OSBP2: variants seen among roughly 807,000 people sequenced by gnomAD.
The protein encoded by OSBP2 is oxysterol-binding protein 2.
Under a neutral mutation model 96.0 loss-of-function variants are expected in OSBP2, and 66 were observed. That is an observed-to-expected ratio of 0.69 (90% CI 0.56 to 0.84). OSBP2 has a LOEUF of 0.84. Ranked by LOEUF, OSBP2 falls within the 40% of genes least tolerant of loss-of-function variation. The probability of loss-of-function intolerance (pLI) is 0.00; values close to 1 mark genes in which losing one functional copy is unlikely to be tolerated. For missense variants in OSBP2, 1,038 were observed against 1,222.7 expected (o/e 0.85, Z 2.25); for synonymous variants, 525 against 520.9 (o/e 1.01, Z -0.11).
intron 1 of OSBP2, among the ~76,000 whole-genome samples, chr22:30,709,568 T>G (rs1244211653): frequency 6.6e-6 from 1 of 151,890 alleles, no homozygotes; most frequent in Non-Finnish European, 1.5e-5. Flanking sequence ...CAGGCTGGAG[T>G]GCAGTGGTAT....
chr22:30,739,916 G>A (rs1205386994), intron 1 of OSBP2, among the ~76,000 whole-genome samples: 9 of 151,778 alleles, frequency 5.9e-5, no homozygotes, highest in Non-Finnish European at 1.3e-4. Context: ...CTTGGCTCAC[G>A]GCAACCTCTG....
chr22:30,840,330 A>G lies in OSBP2; in HGVS notation c.854-30099A>G, dbSNP rs942966513. Among the ~76,000 whole-genome samples, 473 of 152,024 alleles carry G rather than the reference A, an allele frequency of 3.1e-3. 3 individuals are homozygous for G. Among genetic ancestry groups the G allele is most frequent in the African/African-American group, 0.011 (457 of 41,528 alleles). Reference sequence around the variant, plus strand: ...TAAAAAAAAAAAGAAAAAGGAAAAAAAAAAAGAAAGCTGAAACTGGATCCC... The same window carrying G: ...TAAAAAAAAAAAGAAAAAGGAAAAAGAAAAAGAAAGCTGAAACTGGATCCC... On this transcript the variant is annotated intron_variant, in intron 2 of 13. Transcript: ENST00000332585.
chr22:30,881,575 G>C lies in OSBP2; in HGVS notation c.1108-5851G>C. 1 of 1,069,392 alleles carries C rather than the reference G, an allele frequency of 9.4e-7. No individual in the cohort carries two copies. The highest frequency in any genetic ancestry group is 1.6e-5 in the African/African-American group (1 of 60,870). The allele number at this position is 1,069,392 out of a possible 1,614,324, so 66.2% of individuals were successfully genotyped here. A position where few individuals can be genotyped will look rare whatever the true frequency, so the allele number is the denominator to read the frequency against. On this transcript the variant is annotated intron_variant, in intron 3 of 13. Coordinates refer to ENST00000332585, the MANE Select transcript of OSBP2 (RefSeq NM_030758.4). This position sits in a 1 kb window ranked among gnomAD's most constrained non-coding sequence, Gnocchi z 4.5. ...GAGACCACGTTCAGGCCTGGGCTGG[G>C]TCAGCCAGGCCCTCCCTGGGCCCCT...
intron 2 of OSBP2, among the ~76,000 whole-genome samples, chr22:30,808,725 C>T (rs907886659): frequency 3.9e-5 from 6 of 152,184 alleles, no homozygotes; most frequent in South Asian, 2.1e-4. Flanking sequence ...GAGGCTGAGG[C>T]GGGCCGATCA....
intron 2 of OSBP2, among the ~76,000 whole-genome samples, chr22:30,843,761 G>A (rs770013687): frequency 3.3e-4 from 50 of 152,230 alleles, no homozygotes; most frequent in South Asian, 2.9e-3. Flanking sequence ...CCAGCTACTT[G>A]GAAGGCTGAG....
At chr22:30,750,154 A>T (rs535572479) in intron 2 of OSBP2, among the ~76,000 whole-genome samples, 3 of 152,322 alleles carry the variant, frequency 2.0e-5, no homozygotes, top group Admixed American at 6.5e-5. Context: ...CAGTGTGGAC[A>T]GAACAGTGGG....
chr22:30,748,912 T>C (rs1343883626), intron 2 of OSBP2, among the ~76,000 whole-genome samples: 1 of 152,174 alleles, frequency 6.6e-6, no homozygotes, highest in Non-Finnish European at 1.5e-5. Context: ...GGTCAGGAGT[T>C]CGAGATCAGC....
In OSBP2 at chr22:30,814,421, A is replaced by G. The variant is rs141250828; in HGVS notation, c.854-56008A>G. Among the ~76,000 whole-genome samples, 34 of 133,294 alleles carry G rather than the reference A, an allele frequency of 2.6e-4. 1 individual carries two copies. The East Asian group carries it at 7.4e-3, about 29-fold the overall frequency. 87.4% of individuals were successfully genotyped at this position (133,294 alleles called of 152,430 possible). ...GTCGTATGGATTAGGGTCCACTCAT[A>G]TTATCTCGTTGGGTTTTTTTTTTTT... On this transcript the variant is annotated intron_variant, in intron 2 of 13. Transcript: ENST00000332585.
At chr22:30,813,823 A>G (rs1327900816) in intron 2 of OSBP2, among the ~76,000 whole-genome samples, 1 of 148,282 alleles carries the variant, frequency 6.7e-6, no homozygotes, top group Non-Finnish European at 1.5e-5. Context: ...TTTTTTTGAG[A>G]TGGAGTTTTG....
chr22:30,694,871 C>T (rs1001128201), upstream of OSBP2: 8 of 1,013,554 alleles, frequency 7.9e-6, no homozygotes, highest in African/African-American at 1.4e-4. Flanking sequence ...GCCCCCCGCC[C>T]CCACTGGCCG....
In OSBP2 at chr22:30,893,150, A is replaced by C; in HGVS notation, c.1898A>C (p.His633Pro). 6.2e-7 allele frequency: 1 copy of C among 1,614,102 alleles called. No homozygotes were observed. Among genetic ancestry groups the C allele is most frequent in the Non-Finnish European group, 8.5e-7 (1 of 1,179,960 alleles). Residue 633 changes from histidine to proline, a missense_variant, in exon 9 of 14, where the codon CAC (histidine) becomes CCC (proline). His to Pro is a moderately conservative substitution (Grantham distance 77). This residue lies in a region of OSBP2 where 737 missense variants were observed against 913.3 expected (regional missense o/e 0.81). Transcript: ENST00000332585. ...QVSHHPPSAAHYVFSKHGWSL... is the reference protein window; with the variant it reads ...QVSHHPPSAAPYVFSKHGWSL... ...AGCCACCACCCCCCCTCAGCTGCGC[A>C]CTACGTGTTCTCCAAGCATGGCTGG...
In OSBP2 at chr22:30,733,052, G is replaced by A. The variant is rs112292407; in HGVS notation, c.645-8109G>A. Among the ~76,000 whole-genome samples the A allele has an allele frequency of 6.5e-3, 986 of 152,270 alleles. 10 individuals carry two copies. Among genetic ancestry groups the A allele is most frequent in the African/African-American group, 0.022 (933 of 41,542 alleles). On this transcript the variant is annotated intron_variant, in intron 1 of 13. Coordinates refer to ENST00000332585, the MANE Select transcript of OSBP2 (RefSeq NM_030758.4). ...GGGAAGGCAACCTCATTACCAAAAA[G>A]CACTTCCGTTTCATGAAGGATAAAT...
At chr22:30,710,007 C>T (rs138662086) in intron 1 of OSBP2, among the ~76,000 whole-genome samples, 4 of 151,958 alleles carry the variant, frequency 2.6e-5, no homozygotes, top group South Asian at 2.1e-4. Flanking sequence ...TTCAGCCTCC[C>T]GAGTAGCTGG....
intron 2 of OSBP2, among the ~76,000 whole-genome samples, chr22:30,858,693 G>A (rs540861834): frequency 4.6e-5 from 7 of 151,218 alleles, no homozygotes; most frequent in African/African-American, 1.2e-4. Context: ...AGCCTGGCCA[G>A]CATGGTAAAA....
chr22:30,738,019 T>G (rs533924495), intron 1 of OSBP2, among the ~76,000 whole-genome samples: 1 of 151,782 alleles, frequency 6.6e-6, no homozygotes, highest in South Asian at 2.1e-4. Context: ...GCTGAGACTC[T>G]AAATCCTTAA....
chr22:30,801,315 A>G (rs762642909), intron 2 of OSBP2, among the ~76,000 whole-genome samples: 6 of 152,370 alleles, frequency 3.9e-5, no homozygotes, highest in Admixed American at 1.3e-4. Context: ...ATTTTCAAGT[A>G]GAGGTAGTGG....
intron 1 of OSBP2, among the ~76,000 whole-genome samples, chr22:30,706,127 A>G (rs952295255): frequency 1.3e-5 from 2 of 152,128 alleles, no homozygotes; most frequent in African/African-American, 2.4e-5. Context: ...ACGTGGAGAG[A>G]GGAGATGGTA....
intron 2 of OSBP2, among the ~76,000 whole-genome samples, chr22:30,752,509 C>G (rs1190395398): frequency 3.3e-5 from 5 of 151,706 alleles, no homozygotes; most frequent in Admixed American, 2.6e-4. Context: ...CCAGGATGGT[C>G]TCGATCTCCT....
At chr22:30,699,873 G>T (rs762613114) in intron 1 of OSBP2, among the ~76,000 whole-genome samples, 2 of 151,794 alleles carry the variant, frequency 1.3e-5, no homozygotes, top group Non-Finnish European at 2.9e-5. Context: ...CATGTAAAAA[G>T]TATTTCTATG....
Sources: gnomAD v4.1 joint callset for allele counts (sites outside exome capture counted in the v4.1 genomes callset) on GRCh38, gnomAD v4.1.1 for gene constraint, gnomAD v4.1.1 regional missense constraint, Gnocchi (gnomAD v3.1) non-coding constraint, MANE v1.5 for transcripts, NCBI Gene and HGNC (gene_info 2026-07-23, HGNC 2026-07-21) for gene names.